Variants in RBFOX1 observed in about 807,000 individuals in gnomAD.
RBFOX1 encodes RNA binding protein fox-1 homolog 1.
In RBFOX1, 8 loss-of-function variants were observed where a neutral mutation model predicts 57.7. The observed-to-expected ratio is 0.14, with a 90% CI of 0.08 to 0.25. The LOEUF is 0.25. RBFOX1 is among the 10% of genes least tolerant of loss of function. RBFOX1 has a pLI of 1.00. For missense variants in RBFOX1, 611 were observed against 548.5 expected (o/e 1.11, Z -1.14); for synonymous variants, 326 against 222.4 (o/e 1.47, Z -4.15).
chr16:6,237,692 G>GA (rs2097516096), intron 1 of RBFOX1, among the ~76,000 whole-genome samples: 1 of 151,776 alleles, frequency 6.6e-6, no homozygotes, highest in Admixed American at 6.6e-5. Flanking sequence ...AGTGAGCCAC[G>GA]ATCACACCAC....
At chr16:7,061,540 A>C (rs1307825140) in intron 4 of RBFOX1, among the ~76,000 whole-genome samples, 1 of 152,154 alleles carries the variant, frequency 6.6e-6, no homozygotes, top group Non-Finnish European at 1.5e-5. Flanking sequence ...GAGTCTCCCC[A>C]GGCATTTGAA....
chr16:5,463,211 T>A (rs532129285), intron 1 of RBFOX1, among the ~76,000 whole-genome samples: 4 of 152,186 alleles, frequency 2.6e-5, no homozygotes, highest in African/African-American at 9.6e-5. Flanking sequence ...TCAAAGAGGA[T>A]TGGTTGGTAA....
intron 1 of RBFOX1, among the ~76,000 whole-genome samples, chr16:5,398,409 G>A (rs1227270971): frequency 6.6e-6 from 1 of 152,038 alleles, no homozygotes; most frequent in Non-Finnish European, 1.5e-5. Context: ...GCATGTGTGT[G>A]ATTGTGTATC....
intron 3 of RBFOX1, among the ~76,000 whole-genome samples, chr16:6,800,508 C>T (rs2085150469): frequency 6.6e-6 from 1 of 152,034 alleles, no homozygotes; most frequent in Non-Finnish European, 1.5e-5. Context: ...TAATAGGCTT[C>T]CAGGTGATTC....
At chr16:7,415,436 T>G (rs2098469099) in intron 4 of RBFOX1, among the ~76,000 whole-genome samples, 1 of 152,204 alleles carries the variant, frequency 6.6e-6, no homozygotes, top group East Asian at 1.9e-4. Flanking sequence ...ATGTAAGAGA[T>G]TACTGAATTT....
chr16:6,913,289 A>T (rs527455665), intron 3 of RBFOX1, among the ~76,000 whole-genome samples: 1 of 152,280 alleles, frequency 6.6e-6, no homozygotes, highest in South Asian at 2.1e-4. Context: ...CCATAATTAC[A>T]GCCTGTGTCA....
intron 1 of RBFOX1, among the ~76,000 whole-genome samples, chr16:5,420,682 C>T (rs144746407): frequency 1.3e-3 from 193 of 152,168 alleles, no homozygotes; most frequent in African/African-American, 4.4e-3. Context: ...TACAGGCGTG[C>T]GCCACCATGC....
At chr16:7,486,366 C>G (rs1257651444) in intron 4 of RBFOX1, among the ~76,000 whole-genome samples, 1 of 151,876 alleles carries the variant, frequency 6.6e-6, no homozygotes, top group East Asian at 1.9e-4. Flanking sequence ...CACCTGACCT[C>G]GAGTGATCCA....
Position 6,583,392 on chromosome 16 carries a change from C to G in RBFOX1, c.-63-71211C>G, listed in dbSNP as rs150988765. ...TGCCAAACAAGAGGAATGATACCAGCCAATCAACAAATGTCTGCTCCTTAA... is the reference window on the plus strand; with the variant it reads ...TGCCAAACAAGAGGAATGATACCAGGCAATCAACAAATGTCTGCTCCTTAA... On this transcript the variant is annotated intron_variant, in intron 2 of 15. Transcript: ENST00000550418. Among the ~76,000 whole-genome samples the G allele has an allele frequency of 1.2e-3, 186 of 152,286 alleles. 4 individuals are homozygous for G. The East Asian group carries it at 0.034, about 28-fold the overall frequency.
intron 4 of RBFOX1, among the ~76,000 whole-genome samples, chr16:7,385,836 C>T (rs963171163): frequency 2.0e-5 from 3 of 152,118 alleles, no homozygotes; most frequent in Admixed American, 6.5e-5. Context: ...TCACTGCAAC[C>T]TCCGCCTCCT....
chr16:7,242,808 T>G (rs190027533), intron 4 of RBFOX1, among the ~76,000 whole-genome samples: 196 of 152,316 alleles, frequency 1.3e-3, no homozygotes, highest in African/African-American at 4.5e-3. Context: ...ATTTTCTGTT[T>G]GTTGATTCAG....
intron 2 of RBFOX1, among the ~76,000 whole-genome samples, chr16:5,492,910 C>G (rs761499119): frequency 6.6e-6 from 1 of 152,192 alleles, no homozygotes; most frequent in African/African-American, 2.4e-5. Flanking sequence ...TCTTCGTATT[C>G]GTTGTGGAAT....
intron 4 of RBFOX1, among the ~76,000 whole-genome samples, chr16:7,341,155 C>T (rs145066378): frequency 6.6e-6 from 1 of 152,100 alleles, no homozygotes; most frequent in Non-Finnish European, 1.5e-5. Flanking sequence ...ACCTCTCACA[C>T]ACACATCCCA....
At chr16:7,177,473 G>A (rs2081911173) in intron 4 of RBFOX1, among the ~76,000 whole-genome samples, 1 of 147,444 alleles carries the variant, frequency 6.8e-6, no homozygotes, top group Admixed American at 6.7e-5. Context: ...AATGGGTACA[G>A]ATAGTATGTA....
intron 1 of RBFOX1, among the ~76,000 whole-genome samples, chr16:6,091,079 G>C (rs190724203): frequency 3.7e-4 from 56 of 152,148 alleles, no homozygotes; most frequent in African/African-American, 1.3e-3. Context: ...TTCTTTTCTA[G>C]CTATTCTTAA....
intron 1 of RBFOX1, among the ~76,000 whole-genome samples, chr16:6,089,190 G>A (rs921054529): frequency 2.0e-5 from 3 of 151,968 alleles, no homozygotes; most frequent in Non-Finnish European, 4.4e-5. Context: ...TAAAGTTGAG[G>A]GATGGATTCT....
At chr16:5,398,710 T>G (rs1487684777) in intron 1 of RBFOX1, among the ~76,000 whole-genome samples, 2 of 152,028 alleles carry the variant, frequency 1.3e-5, no homozygotes, top group Non-Finnish European at 2.9e-5. Context: ...GCTGATGAGC[T>G]GTGGGTCTCT....
rs181715888 is a variant in RBFOX1, at chr16:5,508,171, C to T, written c.258+40917C>T. On this transcript the variant is annotated intron_variant, in intron 2 of 2. Transcript: ENST00000585867. ...AGTTTCTGTGTGCTGGGGGTCTGGA[C>T]GTGGTTTAGCTGCATCATCTGCTTC... 9.2e-5 allele frequency among the ~76,000 whole-genome samples: 14 copies of T among 152,274 alleles called. No individual in the cohort carries two copies. In the East Asian group the frequency reaches 2.1e-3, roughly 23 times the overall value.
intron 1 of RBFOX1, among the ~76,000 whole-genome samples, chr16:6,209,579 A>G (rs2097279036): frequency 6.6e-6 from 1 of 152,232 alleles, no homozygotes; most frequent in Non-Finnish European, 1.5e-5. Context: ...ATACAGGTGG[A>G]ATGAATGAAT....
Sources: gnomAD v4.1 joint callset for allele counts (sites outside exome capture counted in the v4.1 genomes callset) on GRCh38, gnomAD v4.1.1 for gene constraint, MANE v1.5 for transcripts, NCBI Gene and HGNC (gene_info 2026-07-23, HGNC 2026-07-21) for gene names.